DACH1: variants seen among roughly 807,000 people sequenced by gnomAD.
DACH1 encodes the protein dachshund homolog 1.
In DACH1, 12 loss-of-function variants were observed where a neutral mutation model predicts 54.2. The observed-to-expected ratio is 0.22, with a 90% CI of 0.14 to 0.36. DACH1 has a LOEUF of 0.36. DACH1 is among the 10% of genes least tolerant of loss of function. The pLI, the probability that DACH1 is intolerant of heterozygous loss-of-function variation, is 1.00. For missense variants in DACH1, 805 were observed against 929.8 expected, an observed-to-expected ratio of 0.87 and a Z score of 1.75; for synonymous variants, 386 against 366.2, an observed-to-expected ratio of 1.05 and a Z score of -0.62.
intron 1 of DACH1, among the ~76,000 whole-genome samples, chr13:71,821,838 G>A (rs186326894): frequency 5.3e-5 from 8 of 152,060 alleles, no homozygotes; most frequent in East Asian, 1.9e-4. Context: ...TGAGGCAGGC[G>A]GATCACAAGG....
chr13:71,779,285 A>T (rs1352141138), intron 1 of DACH1, among the ~76,000 whole-genome samples: 1 of 60,974 alleles, frequency 1.6e-5, no homozygotes, highest in African/African-American at 1.3e-4. Context: ...GTATATACGT[A>T]TATATACACA....
intron 1 of DACH1, among the ~76,000 whole-genome samples, chr13:71,778,936 A>T (rs188783838): frequency 6.6e-6 from 1 of 151,994 alleles, no homozygotes; most frequent in Admixed American, 6.5e-5. Flanking sequence ...CCATTCATAT[A>T]CACAGATTTA....
chr13:71,535,417 A>G (rs1458048090), intron 6 of DACH1, among the ~76,000 whole-genome samples: 1 of 151,980 alleles, frequency 6.6e-6, no homozygotes, highest in Non-Finnish European at 1.5e-5. Flanking sequence ...ATTGTTAACC[A>G]AGAACTCAAA....
intron 1 of DACH1, among the ~76,000 whole-genome samples, chr13:71,790,276 T>C (rs1330909928): frequency 2.0e-5 from 3 of 152,294 alleles, no homozygotes; most frequent in East Asian, 1.9e-4. Flanking sequence ...ATATACCTTT[T>C]AGTGATTTCA....
chr13:71,557,226 A>C, intron 5 of DACH1, 68 bp from the exon 6 acceptor site: 1 of 1,443,936 alleles, frequency 6.9e-7, no homozygotes, highest in East Asian at 2.5e-5. Flanking sequence ...AGGTTCCAAT[A>C]AGTCAATTAA....
intron 10 of DACH1, among the ~76,000 whole-genome samples, chr13:71,470,827 C>T (rs184592822): frequency 6.6e-6 from 1 of 152,268 alleles, no homozygotes; most frequent in East Asian, 1.9e-4. Flanking sequence ...AGGAACATGG[C>T]AGTGAACAAA....
chr13:71,821,339 C>A (rs1045433930), intron 1 of DACH1, among the ~76,000 whole-genome samples: 5 of 149,410 alleles, frequency 3.3e-5, no homozygotes, highest in Admixed American at 6.7e-5. Flanking sequence ...TTCAAAGTCC[C>A]TCCTGTGTGC....
intron 1 of DACH1, among the ~76,000 whole-genome samples, chr13:71,853,373 G>A (rs1187805738): frequency 6.6e-6 from 1 of 152,156 alleles, no homozygotes; most frequent in Non-Finnish European, 1.5e-5. Context: ...ACCAGTCAAT[G>A]AGAAGTCTGT....
intron 10 of DACH1, among the ~76,000 whole-genome samples, chr13:71,466,992 G>C (rs542614895): frequency 6.6e-6 from 1 of 151,242 alleles, no homozygotes; most frequent in Non-Finnish European, 1.5e-5. Flanking sequence ...TTTCTTTTTC[G>C]TAAGGACCAG....
intron 10 of DACH1, among the ~76,000 whole-genome samples, chr13:71,462,889 C>T (rs1876209353): frequency 1.0e-4 from 5 of 50,226 alleles, no homozygotes; most frequent in African/African-American, 1.7e-4. Flanking sequence ...CACACACACA[C>T]ACACACACAC....
intron 6 of DACH1, among the ~76,000 whole-genome samples, chr13:71,533,604 C>T (rs748255138): frequency 3.3e-5 from 5 of 151,962 alleles, no homozygotes; most frequent in Non-Finnish European, 7.4e-5. Flanking sequence ...TCTACATTTT[C>T]CTATAAAACA....
chr13:71,580,045 G>A (rs1885764374), intron 3 of DACH1, among the ~76,000 whole-genome samples: 1 of 152,140 alleles, frequency 6.6e-6, no homozygotes, highest in Non-Finnish European at 1.5e-5. Context: ...GTAAGCAAGA[G>A]CCAAATGTTG....
chr13:71,837,896 T>C (rs2138226211), intron 1 of DACH1, among the ~76,000 whole-genome samples: 1 of 148,874 alleles, frequency 6.7e-6, no homozygotes, highest in Admixed American at 6.7e-5. Context: ...CAGTAAACTA[T>C]CGCAAGAACA....
intron 1 of DACH1, among the ~76,000 whole-genome samples, chr13:71,858,653 TAGACCAACAGCTCTCCA>T (rs1170093088): frequency 6.6e-6 from 1 of 151,714 alleles, no homozygotes; most frequent in African/African-American, 2.4e-5. Flanking sequence ...TTTGTAACCT[TAGACCAACAGCTCTCCA>T]GTCCCTGGTA....
At chr13:71,567,302 A>G (rs574720416) in intron 4 of DACH1, among the ~76,000 whole-genome samples, 49 of 152,214 alleles carry the variant, frequency 3.2e-4, no homozygotes, top group African/African-American at 1.2e-3. Flanking sequence ...ATATTTCTCA[A>G]AAACAGTTCT....
chr13:71,699,754 G>A (rs1169103414), intron 1 of DACH1, among the ~76,000 whole-genome samples: 1 of 152,164 alleles, frequency 6.6e-6, no homozygotes, highest in Non-Finnish European at 1.5e-5. Context: ...TTGAAGGGAT[G>A]CCTTGAGTGT....
intron 2 of DACH1, among the ~76,000 whole-genome samples, chr13:71,646,625 T>C (rs1354993673): frequency 6.6e-6 from 1 of 152,156 alleles, no homozygotes. Context: ...TTTAATCACA[T>C]GAAAAACTTC....
intron 1 of DACH1, among the ~76,000 whole-genome samples, chr13:71,813,392 A>T (rs925401176): frequency 1.3e-5 from 2 of 152,136 alleles, no homozygotes; most frequent in Non-Finnish European, 2.9e-5. Context: ...CGAGCTAGTG[A>T]TCAATGCAGG....
chr13:71,636,549 AAATAATAATAATAATAATAAT>A (rs368128838), intron 2 of DACH1, among the ~76,000 whole-genome samples: 2 of 146,908 alleles, frequency 1.4e-5, no homozygotes. Flanking sequence ...CACAAAGTAA[AAATAATAATAATAATAATAAT>A]AATAATAATA....
Sources: gnomAD v4.1 joint callset for allele counts (sites outside exome capture counted in the v4.1 genomes callset) on GRCh38, gnomAD v4.1.1 for gene constraint, MANE v1.5 for transcripts, NCBI Gene and HGNC (gene_info 2026-07-23, HGNC 2026-07-21) for gene names.